The following SUDS3 variants were observed in gnomAD, a reference collection of about 807,000 sequenced individuals.
SUDS3 encodes the protein SIN3A corepressor complex component SDS3.
A neutral mutation model predicts 53.5 loss-of-function variants in SUDS3; 23 were observed. That is an observed-to-expected ratio of 0.43 (90% CI 0.31 to 0.61). The LOEUF is 0.61. Ranked by LOEUF, SUDS3 falls within the 20% of genes least tolerant of loss-of-function variation. The pLI, the probability that SUDS3 is intolerant of heterozygous loss-of-function variation, is 0.10. For synonymous variants in SUDS3, 150 were observed against 148.5 expected, an observed-to-expected ratio of 1.01 and a Z score of -0.08; for missense variants, 291 against 405.9, an observed-to-expected ratio of 0.72 and a Z score of 2.43.
chr12:118,400,769 C>A lies in SUDS3; in HGVS notation c.613+15C>A. ...ACCTGCTCCAGATATCCATTTACAT[C>A]AAGCCTTAACCGCCTTTCTTTTTTA... is the stretch of plus-strand genomic sequence containing the variant. On this transcript the variant is annotated intron_variant, in intron 7 of 11. Transcript: ENST00000543473. 1.2e-6 allele frequency: 2 copies of A among 1,611,084 alleles called. No individual in the cohort carries two copies. Among genetic ancestry groups the A allele is most frequent in the Non-Finnish European group, 1.7e-6 (2 of 1,177,224 alleles).
chr12:118,392,470 G>C (rs1470101344), intron 6 of SUDS3, among the ~76,000 whole-genome samples: 1 of 152,152 alleles, frequency 6.6e-6, no homozygotes, highest in Non-Finnish European at 1.5e-5. Context: ...TCCTCATAGA[G>C]AGAGTTGGCA....
chr12:118,410,092 G>T (rs2046344901), intron 10 of SUDS3, among the ~76,000 whole-genome samples: 2 of 152,226 alleles, frequency 1.3e-5, no homozygotes, highest in South Asian at 4.1e-4. Flanking sequence ...ACCAGGTGTG[G>T]TTATTTAATG....
chr12:118,394,012 A>G (rs939485644), intron 6 of SUDS3, among the ~76,000 whole-genome samples: 1 of 152,098 alleles, frequency 6.6e-6, no homozygotes, highest in Admixed American at 6.6e-5. Context: ...GGGGTCGCTG[A>G]TCCTGCTGGT....
In SUDS3 at chr12:118,401,759, C is replaced by T. The variant is rs1049843436; in HGVS notation, c.614C>T (p.Ala205Val). Residue 205 changes from alanine (A) to valine (V), a missense_variant and splice_region_variant, in exon 8 of 12, where the codon GCC (alanine) becomes GTC (valine). Ala to Val is a moderately conservative substitution (Grantham distance 64, BLOSUM62 0). Transcript: ENST00000543473. ...CATACAGTCCTTTAACTCTCAACAC[C>T]CCAGCTAAACTATTTGTTAACAGAT... is the stretch of plus-strand genomic sequence containing the variant. Reference protein sequence around the residue: ...IPDKRRKPAPAQLNYLLTDEQ... With the variant: ...IPDKRRKPAPVQLNYLLTDEQ... 2 of 1,613,332 alleles carry T rather than the reference C, an allele frequency of 1.2e-6. No individual in the cohort carries two copies. Among genetic ancestry groups the T allele is most frequent in the African/African-American group, 1.3e-5 (1 of 74,988 alleles).
At chr12:118,411,827 A>G (rs2046362476) in intron 11 of SUDS3, among the ~76,000 whole-genome samples, 1 of 152,120 alleles carries the variant, frequency 6.6e-6, no homozygotes, top group Non-Finnish European at 1.5e-5. Context: ...TAAGGTAACC[A>G]TCTACTGAGA....
chr12:118,382,613 T>G (rs1297451057), intron 2 of SUDS3, among the ~76,000 whole-genome samples: 2 of 151,800 alleles, frequency 1.3e-5, no homozygotes, highest in African/African-American at 2.4e-5. Flanking sequence ...GCATTCCTCC[T>G]GTTTCGGCCT....
chr12:118,380,192 C>T lies in SUDS3; in HGVS notation c.173C>T (p.Ala58Val). Reference sequence around the variant, plus strand: ...GAGGATGCTAGTGAAACTGACCTGGCAAAGCATGATGAAGAAGACTATGTA... The same window carrying T: ...GAGGATGCTAGTGAAACTGACCTGGTAAAGCATGATGAAGAAGACTATGTA... ...DTEDASETDL[A>V]KHDEEDYVEM... Residue 58 changes from alanine to valine, a missense_variant, in exon 2 of 12, where the codon GCA (alanine) becomes GTA (valine). This residue lies in a region of SUDS3 where 149 missense variants were observed against 146.5 expected (regional missense o/e 1.02). Transcript: ENST00000543473. 6.2e-7 allele frequency: 1 copy of T among 1,609,182 alleles called. No individual in the cohort carries two copies. Among genetic ancestry groups the T allele is most frequent in the Non-Finnish European group, 8.5e-7 (1 of 1,177,850 alleles).
rs559031436 is a variant in SUDS3 at position 118,411,025 on chromosome 12, C to A, written c.804-48C>A. 13 of 1,495,982 alleles carry A rather than the reference C, an allele frequency of 8.7e-6. No individual in the cohort carries two copies. In the East Asian group the frequency reaches 2.9e-4, roughly 33 times the overall value. The allele number at this position is 1,495,982 out of a possible 1,614,324, so 92.7% of individuals were successfully genotyped here. A position where few individuals can be genotyped will look rare whatever the true frequency, so the allele number is the denominator to read the frequency against. ...TTTTGTTTTGTTTGGTTTTTACTTC[C>A]TGTCTCTGTCCCTCCCTTTTTAAAA... On this transcript the variant is annotated intron_variant, in intron 10 of 11. Coordinates refer to ENST00000543473, the MANE Select transcript of SUDS3 (RefSeq NM_022491.3).
chr12:118,380,608 G>A (rs1243675708), intron 2 of SUDS3, among the ~76,000 whole-genome samples: 5 of 152,130 alleles, frequency 3.3e-5, no homozygotes, highest in Admixed American at 2.0e-4. Context: ...CAGTCTTCCC[G>A]TTATAAGACT....
At position 118,378,077 on chromosome 12, in the gene SUDS3, C is replaced by G. The variant is rs776655273; in HGVS notation, c.142+1244C>G. ...TGAAGCACTTGCACTTCATCTCATA[C>G]CCACGAGGGGGCGCTGTGGAGCCAA... On this transcript the variant is annotated intron_variant, in intron 1 of 11. Coordinates refer to ENST00000543473, the MANE Select transcript of SUDS3 (RefSeq NM_022491.3). Among the ~76,000 whole-genome samples, 99 of 152,186 alleles carry G rather than the reference C, an allele frequency of 6.5e-4. 1 individual carries two copies. Among genetic ancestry groups the G allele is most frequent in the Admixed American group, 1.4e-3 (21 of 15,278 alleles).
At chr12:118,379,641 A>G (rs774932907) in intron 1 of SUDS3, among the ~76,000 whole-genome samples, 3 of 152,176 alleles carry the variant, frequency 2.0e-5, no homozygotes, top group Non-Finnish European at 4.4e-5. Context: ...GAGAATGTAC[A>G]TACTAGTTTT....
chr12:118,395,036 G>A lies in SUDS3; in HGVS notation c.517+3754G>A, dbSNP rs149231872. Among the ~76,000 whole-genome samples, 17 of 152,174 alleles carry A rather than the reference G, an allele frequency of 1.1e-4. 1 individual carries two copies. The East Asian group carries it at 3.3e-3, about 29-fold the overall frequency. ...TATATGTGGTTGTACTACTATAGGA[G>A]CAGTAAGTTTCACGCGTATGCAATA... is the stretch of plus-strand genomic sequence containing the variant. On this transcript the variant is annotated intron_variant, in intron 6 of 11. Transcript: ENST00000543473.
rs887305666 is a variant in SUDS3 at position 118,415,349 on chromosome 12, G to A, written c.*916G>A. 1 of 152,086 alleles carries A rather than the reference G, an allele frequency of 6.6e-6. No individual in the cohort carries two copies. Among genetic ancestry groups the A allele is most frequent in the Non-Finnish European group, 1.5e-5 (1 of 68,034 alleles). 9.4% of individuals were successfully genotyped at this position (152,086 alleles called of 1,614,324 possible). A position where few individuals can be genotyped will look rare whatever the true frequency, so the allele number is the denominator to read the frequency against. ...CAGTGATCTATAGACCCTCATGCAC[G>A]ATTCAAGTTTCACTCTTGTGGCTGA... On this transcript the variant is annotated 3_prime_UTR_variant, in exon 12 of 12. Coordinates refer to ENST00000543473, the MANE Select transcript of SUDS3 (RefSeq NM_022491.3).
chr12:118,412,883 G>T (rs192914570), intron 11 of SUDS3, among the ~76,000 whole-genome samples: 65 of 152,286 alleles, frequency 4.3e-4, no homozygotes, highest in African/African-American at 1.5e-3. Flanking sequence ...CTGAAGACAT[G>T]CAACTCTGGC....
At position 118,416,042 on chromosome 12, in the gene SUDS3, CTA is replaced by C. The variant is rs1465127118; in HGVS notation, c.*1611_*1612del. 1 of 151,810 alleles carries C rather than the reference CTA, an allele frequency of 6.6e-6. No individual in the cohort carries two copies. Among genetic ancestry groups the C allele is most frequent in the African/African-American group, 2.4e-5 (1 of 41,362 alleles). The allele number at this position is 151,810 out of a possible 1,614,324, so 9.4% of individuals were successfully genotyped here. On this transcript the variant is annotated 3_prime_UTR_variant, in exon 12 of 12. Transcript: ENST00000543473. ...TTCTCTGCCCTCCAATCCCCGACTG[CTA>C]TGATGTTTACTACAGTGAACCCAGC...
chr12:118,415,981 C>T lies in SUDS3; in HGVS notation c.*1548C>T, dbSNP rs1319038520. 2.0e-5 allele frequency: 3 copies of T among 146,620 alleles called. No homozygotes were observed. The highest frequency in any genetic ancestry group is 5.1e-5 in the African/African-American group (2 of 39,458). 9.1% of individuals were successfully genotyped at this position (146,620 alleles called of 1,614,324 possible). A position where few individuals can be genotyped will look rare whatever the true frequency, so the allele number is the denominator to read the frequency against. On this transcript the variant is annotated 3_prime_UTR_variant, in exon 12 of 12. Transcript: ENST00000543473. The stretch of plus-strand genomic sequence containing the variant: ...CTTATTTAGAAAACAGGATAAATGA[C>T]GCTGTTATCAAAAGTTGCCTGGGGT...
intron 1 of SUDS3, 28 bp downstream of exon 1, chr12:118,376,861 C>T (rs564841190): frequency 4.1e-6 from 5 of 1,232,520 alleles, no homozygotes; most frequent in Non-Finnish European, 5.2e-6. Context: ...CCCGGCCGCC[C>T]GGAGCGGAGG....
In SUDS3 at chr12:118,417,246, A is replaced by G. The variant is rs1273039108; in HGVS notation, c.*2813A>G. 1.3e-5 allele frequency: 2 copies of G among 152,168 alleles called. No individual in the cohort carries two copies. Among genetic ancestry groups the G allele is most frequent in the Non-Finnish European group, 2.9e-5 (2 of 68,044 alleles). 9.4% of individuals were successfully genotyped at this position (152,168 alleles called of 1,614,324 possible). On this transcript the variant is annotated 3_prime_UTR_variant, in exon 12 of 12. Coordinates refer to ENST00000543473, the MANE Select transcript of SUDS3 (RefSeq NM_022491.3). ...TGAACTTCTAATTGGGGCCAGTGTA[A>G]GGTCGATCCCAGAGGCTGATCTGCA...
Position 118,386,191 on chromosome 12 carries a change from G to T in SUDS3, c.340+6G>T. The stretch of plus-strand genomic sequence containing the variant: ...AGAGAGGATACGGAATGCAGGTAAG[G>T]CTCCTTTAAATGGCAATGAATCATC... On this transcript the variant is annotated splice_donor_region_variant and intron_variant, in intron 4 of 11. Transcript: ENST00000543473. 2 of 1,591,774 alleles carry T rather than the reference G, an allele frequency of 1.3e-6. No homozygotes were observed. Among genetic ancestry groups the T allele is most frequent in the Non-Finnish European group, 1.7e-6 (2 of 1,168,344 alleles).
Sources: gnomAD v4.1 joint callset for allele counts (sites outside exome capture counted in the v4.1 genomes callset) on GRCh38, gnomAD v4.1.1 for gene constraint, gnomAD v4.1.1 regional missense constraint, MANE v1.5 for transcripts, NCBI Gene and HGNC (gene_info 2026-07-23, HGNC 2026-07-21) for gene names.